Variants in ANKRA2 observed in about 807,000 individuals in gnomAD.
ANKRA2 encodes the protein ankyrin repeat family A member 2, also known as ankyrin repeat family A protein 2.
In ANKRA2, 33 loss-of-function variants were observed where a neutral mutation model predicts 37.8. That is an observed-to-expected ratio of 0.87 (90% CI 0.66 to 1.17). ANKRA2 has a LOEUF of 1.17. ANKRA2 is among the 50% of genes most tolerant of loss of function. The pLI is 0.00. For missense variants in ANKRA2, 326 were observed against 373.7 expected (o/e 0.87, Z 1.05); for synonymous variants, 126 against 132.3 (o/e 0.95, Z 0.33).
chr5:73,552,834 G>A lies in ANKRA2; in HGVS notation c.905C>T (p.Ser302Leu), dbSNP rs148241118. The A allele has an allele frequency of 3.1e-4, 494 of 1,606,270 alleles. No homozygotes were observed. Among genetic ancestry groups the A allele is most frequent in the Non-Finnish European group, 4.1e-4 (480 of 1,174,076 alleles). ...ATTTTGAAGCAGCTTCAACAAATGTGACTCAATAACCTGTTGAACTAGAAC... is the reference window on the plus strand; with the variant it reads ...ATTTTGAAGCAGCTTCAACAAATGTAACTCAATAACCTGTTGAACTAGAAC... ...GYRSVQQVIE[S>L]HLLKLLQNIK... The change falls in exon 9 of 9, where the codon TCA (serine) becomes TTA (leucine). Residue 302 changes from serine (S) to leucine (L), a missense_variant. Transcript: ENST00000296785.
chr5:73,554,247 A>T, intron 7 of ANKRA2, 75 bp downstream of exon 7: 1 of 1,180,334 alleles, frequency 8.5e-7, no homozygotes, highest in Non-Finnish European at 1.3e-6. Flanking sequence ...TCTCCTGAGT[A>T]GTACCAGGGG....
In ANKRA2 at chr5:73,562,600, T is replaced by C; in HGVS notation, c.282A>G (p.Leu94=). Residue 94 remains leucine, a synonymous_variant, in exon 2 of 9, where the codon CTA becomes CTG. Coordinates refer to ENST00000296785, the MANE Select transcript of ANKRA2 (RefSeq NM_023039.5). ...TATACCATAACTTTCAACCTTTAAA[T>C]AGGACAGATGCCACCTCCAGGTCAG... ...VNSDLEVASV[L]FKAECNIHTS... is the part of the protein sequence containing the mutation. 1.2e-6 allele frequency: 2 copies of C among 1,610,990 alleles called. No individual in the cohort carries two copies. Among genetic ancestry groups the C allele is most frequent in the Non-Finnish European group, 1.7e-6 (2 of 1,178,254 alleles).
At chr5:73,559,352 CTTTT>C (rs5868686) in intron 3 of ANKRA2, among the ~76,000 whole-genome samples, 5 of 151,858 alleles carry the variant, frequency 3.3e-5, no homozygotes, top group African/African-American at 1.2e-4. Context: ...TGCTGTTTTT[CTTTT>C]TTTTAACATA....
intron 4 of ANKRA2, 29 bp downstream of exon 4, chr5:73,557,546 T>C: frequency 3.4e-6 from 5 of 1,468,950 alleles, no homozygotes; most frequent in Non-Finnish European, 4.7e-6. Context: ...CTATTGAATT[T>C]GTTTAAATAT....
intron 6 of ANKRA2, among the ~76,000 whole-genome samples, chr5:73,554,600 T>C (rs1206244536): frequency 2.0e-5 from 3 of 152,182 alleles, no homozygotes; most frequent in Non-Finnish European, 4.4e-5. Context: ...TCTTTATTTA[T>C]TCTTTTATTT....
rs889983959 is a variant in ANKRA2 at position 73,565,407 on chromosome 5, C to T, written c.-380G>A. On this transcript the variant is annotated 5_prime_UTR_variant, in exon 1 of 9. Coordinates refer to ENST00000296785, the MANE Select transcript of ANKRA2 (RefSeq NM_023039.5). ...CAGCTTCAGTACAGGCCTCCAAGCCCGGGCTTGTTTTGGCCGCGACGTCAC... is the reference window on the plus strand; with the variant it reads ...CAGCTTCAGTACAGGCCTCCAAGCCTGGGCTTGTTTTGGCCGCGACGTCAC... 4.5e-6 allele frequency: 1 copy of T among 223,848 alleles called. No individual in the cohort carries two copies. The highest frequency in any genetic ancestry group is 2.3e-5 in the African/African-American group (1 of 42,904). 13.9% of individuals were successfully genotyped at this position (223,848 alleles called of 1,614,324 possible).
rs566347463 is a variant in ANKRA2 at position 73,558,611 on chromosome 5, T to C, written c.449-971A>G. ...GTGCAGTGGTGTGATCTCAGCTCAC[T>C]GCAGCCTCAACCTTCTGGGCTCAAG... On this transcript the variant is annotated intron_variant, in intron 3 of 8. Coordinates refer to ENST00000296785, the MANE Select transcript of ANKRA2 (RefSeq NM_023039.5). Among the ~76,000 whole-genome samples the C allele has an allele frequency of 4.6e-5, 7 of 152,330 alleles. No individual in the cohort carries two copies. In the South Asian group the frequency reaches 1.4e-3, roughly 32 times the overall value.
chr5:73,554,802 A>T, intron 6 of ANKRA2, 59 bp downstream of exon 6: 1 of 1,570,994 alleles, frequency 6.4e-7, no homozygotes, highest in South Asian at 1.1e-5. Flanking sequence ...CATCTCTCCC[A>T]AACCAAATAA....
intron 4 of ANKRA2, among the ~76,000 whole-genome samples, chr5:73,556,216 C>A (rs976388832): frequency 2.3e-4 from 35 of 152,162 alleles, no homozygotes; most frequent in Admixed American, 2.1e-3. Flanking sequence ...ACCTTGAACC[C>A]CATTTTCTTC....
chr5:73,560,613 T>G (rs1481107500), intron 3 of ANKRA2, among the ~76,000 whole-genome samples: 10 of 152,336 alleles, frequency 6.6e-5, no homozygotes, highest in Admixed American at 1.3e-4. Context: ...CTCGAATTCC[T>G]GAGCTCAAGT....
chr5:73,564,474 C>T (rs745529693), intron 1 of ANKRA2, among the ~76,000 whole-genome samples: 1 of 152,224 alleles, frequency 6.6e-6, no homozygotes, highest in Non-Finnish European at 1.5e-5. Flanking sequence ...GTACTTGGTC[C>T]TACCAGGTGC....
chr5:73,561,149 G>C lies in ANKRA2; in HGVS notation c.429C>G (p.Thr143=), dbSNP rs746845949. The C allele has an allele frequency of 6.2e-7, 1 of 1,613,492 alleles. No individual in the cohort carries two copies. Among genetic ancestry groups the C allele is most frequent in the Non-Finnish European group, 8.5e-7 (1 of 1,179,826 alleles). The change falls in exon 3 of 9, where the codon ACC becomes ACG. Residue 143 remains threonine (T), a synonymous_variant. Coordinates refer to ENST00000296785, the MANE Select transcript of ANKRA2 (RefSeq NM_023039.5). The part of the protein sequence containing the change: ...TNKHRGNEVS[T]TPLLANSLSV... The stretch of plus-strand genomic sequence containing the variant: ...ACTTACAATTTGCTAACAGAGGTGT[G>C]GTAGAGACCTCATTTCCTCTGTGTT...
Position 73,554,359 on chromosome 5 carries a change from T to C in ANKRA2, c.768A>G (p.Val256=). The C allele has an allele frequency of 6.2e-7, 1 of 1,613,858 alleles. No individual in the cohort carries two copies. Among genetic ancestry groups the C allele is most frequent in the Non-Finnish European group, 8.5e-7 (1 of 1,179,842 alleles). ...TTACACATTTCACATGATTTCCATG[T>C]ACAGCATAAAGCAGAGGTGTTCCTC... is the stretch of plus-strand genomic sequence containing the variant. ...WNGGTPLLYA[V]HGNHVKCVKM... The change falls in exon 7 of 9, where the codon GTA becomes GTG. Residue 256 remains valine (V), a synonymous_variant. Coordinates refer to ENST00000296785, the MANE Select transcript of ANKRA2 (RefSeq NM_023039.5).
chr5:73,562,255 G>C (rs959325063), intron 2 of ANKRA2, among the ~76,000 whole-genome samples: 1 of 152,040 alleles, frequency 6.6e-6, no homozygotes, highest in Non-Finnish European at 1.5e-5. Flanking sequence ...GACCTCAAGT[G>C]ATCTGTCCAC....
At position 73,554,861 on chromosome 5, in the gene ANKRA2, C is replaced by T. The variant is rs1561268367; in HGVS notation, c.738G>A (p.Trp246Ter). Residue 246 changes from tryptophan (W) to a stop codon, truncating the protein, a stop_gained and splice_region_variant, in exon 6 of 9, where the codon TGG becomes TGA. Coordinates refer to ENST00000296785, the MANE Select transcript of ANKRA2 (RefSeq NM_023039.5). LOFTEE classifies it high-confidence loss of function. Reference protein sequence around the residue: ...DCGVDVNEYDWNGGTPLLYAV... With the variant: ...DCGVDVNEYD ...TTTAAATTTAGTATTACAAACTTACCCAATCATATTCATTTACATCAACTC... is the reference window on the plus strand; with the variant it reads ...TTTAAATTTAGTATTACAAACTTACTCAATCATATTCATTTACATCAACTC... 1.2e-6 allele frequency: 2 copies of T among 1,611,914 alleles called. No homozygotes were observed. The highest frequency in any genetic ancestry group is 2.2e-5 in the East Asian group (1 of 44,820).
intron 4 of ANKRA2, among the ~76,000 whole-genome samples, chr5:73,557,117 CAT>C (rs1295036549): frequency 6.7e-5 from 10 of 149,136 alleles, no homozygotes; most frequent in Non-Finnish European, 1.5e-4. Flanking sequence ...AAAAAAATAA[CAT>C]AGAACACGTA....
chr5:73,553,481 C>T lies in ANKRA2; in HGVS notation c.811G>A (p.Gly271Arg). 1 of 1,611,788 alleles carries T rather than the reference C, an allele frequency of 6.2e-7. No individual in the cohort carries two copies. The highest frequency in any genetic ancestry group is 8.5e-7 in the Non-Finnish European group (1 of 1,178,166). ...VKCVKMLLESGADPTIETDSG... is the reference protein window; with the variant it reads ...VKCVKMLLESRADPTIETDSG... Reference sequence around the variant, plus strand: ...TCAGTTTCAATTGTTGGATCAGCCCCACTTTCTATACCAAAATAGAAAAAC... The same window carrying T: ...TCAGTTTCAATTGTTGGATCAGCCCTACTTTCTATACCAAAATAGAAAAAC... Residue 271 changes from glycine (G) to arginine (R), a missense_variant, in exon 8 of 9, where the codon GGG (glycine) becomes AGG (arginine). By Grantham distance (125) the Gly-to-Arg change is moderately radical. Coordinates refer to ENST00000296785, the MANE Select transcript of ANKRA2 (RefSeq NM_023039.5).
chr5:73,552,997 A>G (rs768019876), intron 8 of ANKRA2, 145 bp from the exon 9 acceptor site: 5 of 623,678 alleles, frequency 8.0e-6, no homozygotes, highest in Non-Finnish European at 1.1e-5. Flanking sequence ...CAATAATACA[A>G]TGCAATACTT....
intron 7 of ANKRA2, among the ~76,000 whole-genome samples, 192 bp downstream of exon 7, chr5:73,554,130 C>T (rs1478876850): frequency 1.3e-5 from 2 of 152,154 alleles, no homozygotes; most frequent in Non-Finnish European, 2.9e-5. Flanking sequence ...GGTCCAATTG[C>T]AGGTGTGGTA....
Sources: allele counts gnomAD v4.1 joint callset (sites outside exome capture counted in the v4.1 genomes callset), GRCh38; gene constraint gnomAD v4.1.1; transcripts MANE v1.5; gene names NCBI Gene and HGNC (gene_info 2026-07-23, HGNC 2026-07-21).